Variants in HMGN5 observed in about 807,000 individuals in gnomAD.
HMGN5 encodes high mobility group nucleosome-binding domain-containing protein 5.
In HMGN5, 4 loss-of-function variants were observed where a neutral mutation model predicts 9.5. The ratio of observed to expected loss-of-function variants is 0.42; its 90% CI spans 0.21 to 0.96. The LOEUF (loss-of-function observed/expected upper bound fraction) is 0.96, where lower values mean the gene tolerates loss of function less well. HMGN5 is among the 40% of genes least tolerant of loss of function. HMGN5 has a pLI of 0.30. For synonymous variants in HMGN5, 55 were observed against 57.1 expected, an observed-to-expected ratio of 0.96 and a Z score of 0.16; for missense variants, 192 against 187.5, an observed-to-expected ratio of 1.02 and a Z score of -0.14.
intron 1 of HMGN5, among the ~76,000 whole-genome samples, chrX:81,189,314 T>C (rs1163050876): frequency 9.0e-6 from 1 of 111,517 alleles, no homozygotes; most frequent in Non-Finnish European, 1.9e-5. Flanking sequence ...ACTTGTTTTT[T>C]ATTGTTTTTT....
chrX:81,139,484 T>C (rs2075321636), intron 1 of HMGN5, among the ~76,000 whole-genome samples: 1 of 110,207 alleles, frequency 9.1e-6, no homozygotes, highest in Non-Finnish European at 1.9e-5. Context: ...GGACAGTAAT[T>C]TAACAACTAT....
chrX:81,162,997 C>T (rs2075401829), intron 1 of HMGN5, among the ~76,000 whole-genome samples: 1 of 111,515 alleles, frequency 9.0e-6, no homozygotes, highest in Non-Finnish European at 1.9e-5. Flanking sequence ...CGTTCCCCTC[C>T]ATTCAATCTG....
intron 4 of HMGN5, 49 bp from the exon 5 acceptor site, chrX:81,118,534 G>T (rs959740117): frequency 8.2e-5 from 83 of 1,015,631 alleles, no homozygotes; most frequent in Non-Finnish European, 1.1e-4. Flanking sequence ...AATCATATTT[G>T]AAGAAAGAAC....
chrX:81,180,629 G>C (rs1457571554), intron 1 of HMGN5, among the ~76,000 whole-genome samples: 1 of 111,785 alleles, frequency 8.9e-6, no homozygotes, highest in Non-Finnish European at 1.9e-5. Context: ...AACCATTGTG[G>C]AAGACAGTGT....
At chrX:81,159,223 G>A (rs1352413920) in intron 1 of HMGN5, among the ~76,000 whole-genome samples, 1 of 110,328 alleles carries the variant, frequency 9.1e-6, no homozygotes, top group Non-Finnish European at 1.9e-5. Context: ...ACACACACTG[G>A]GGCCTATTGG....
At chrX:81,143,531 C>A (rs779766363) in intron 1 of HMGN5, among the ~76,000 whole-genome samples, 1 of 112,326 alleles carries the variant, frequency 8.9e-6, no homozygotes, top group African/African-American at 3.2e-5. Context: ...TGAGCCAAAG[C>A]AGAATGGGGC....
chrX:81,186,967 CA>C (rs2075479290), intron 1 of HMGN5, among the ~76,000 whole-genome samples: 1 of 111,715 alleles, frequency 9.0e-6, no homozygotes, highest in Non-Finnish European at 1.9e-5. Flanking sequence ...ACCGGTCATT[CA>C]GGAGCATATT....
At chrX:81,157,267 G>A (rs1013443283) in intron 1 of HMGN5, among the ~76,000 whole-genome samples, 16 of 111,850 alleles carry the variant, frequency 1.4e-4, no homozygotes, top group Admixed American at 6.7e-4. Context: ...AGTGGGCCTG[G>A]CACACTTTTA....
intron 1 of HMGN5, among the ~76,000 whole-genome samples, chrX:81,163,978 C>T (rs2075404438): frequency 9.0e-6 from 1 of 111,373 alleles, no homozygotes; most frequent in Non-Finnish European, 1.9e-5. Context: ...CCTTGGAGTG[C>T]CACATAAAGC....
intron 1 of HMGN5, among the ~76,000 whole-genome samples, chrX:81,131,180 C>T (rs962589880): frequency 2.7e-5 from 3 of 111,423 alleles, no homozygotes; most frequent in Admixed American, 9.5e-5. Flanking sequence ...AGTGTGTCCC[C>T]GCAAATTTTC....
intron 1 of HMGN5, among the ~76,000 whole-genome samples, chrX:81,130,849 T>G (rs1373694625): frequency 4.5e-5 from 5 of 111,202 alleles, no homozygotes; most frequent in Non-Finnish European, 9.5e-5. Flanking sequence ...AAGCTCACAC[T>G]CTAATAAAAA....
At chrX:81,145,793 AG>A (rs760039684) in intron 1 of HMGN5, among the ~76,000 whole-genome samples, 43 of 111,728 alleles carry the variant, frequency 3.8e-4, no homozygotes, top group Middle Eastern at 4.7e-3. Flanking sequence ...CTCAAAATAA[AG>A]GGATGGAGGA....
intron 1 of HMGN5, among the ~76,000 whole-genome samples, chrX:81,146,968 T>C (rs987701140): frequency 2.7e-4 from 30 of 111,639 alleles, no homozygotes; most frequent in African/African-American, 9.1e-4. Flanking sequence ...AATCCCTGAA[T>C]AGACCAATAA....
At chrX:81,156,383 T>C (rs2075383061) in intron 1 of HMGN5, among the ~76,000 whole-genome samples, 1 of 111,700 alleles carries the variant, frequency 9.0e-6, no homozygotes, top group African/African-American at 3.3e-5. Flanking sequence ...TCAAAATGAC[T>C]GAGGCCTCAG....
At chrX:81,185,273 C>A (rs1166360871) in intron 1 of HMGN5, among the ~76,000 whole-genome samples, 2 of 111,510 alleles carry the variant, frequency 1.8e-5, no homozygotes, top group Non-Finnish European at 3.8e-5. Context: ...CCAATTTTTT[C>A]TTTTCTTCAA....
intron 1 of HMGN5, among the ~76,000 whole-genome samples, chrX:81,155,296 A>C: frequency 9.5e-6 from 1 of 105,486 alleles, no homozygotes; most frequent in East Asian, 2.9e-4. Context: ...ATAATTATAA[A>C]ATATAAATTA....
chrX:81,121,924 A>C (rs1288038480), intron 1 of HMGN5, among the ~76,000 whole-genome samples: 1 of 112,706 alleles, frequency 8.9e-6, no homozygotes, highest in Non-Finnish European at 1.9e-5. Flanking sequence ...AGGAATAAGA[A>C]CAGCAGGAAA....
At chrX:81,196,863 T>G (rs2075510126) in intron 1 of HMGN5, among the ~76,000 whole-genome samples, 1 of 111,038 alleles carries the variant, frequency 9.0e-6, no homozygotes, top group Non-Finnish European at 1.9e-5. Context: ...TATAAGGAGC[T>G]CTTCCCCCGT....
At chrX:81,170,714 C>T (rs760292055) in intron 1 of HMGN5, among the ~76,000 whole-genome samples, 43 of 110,774 alleles carry the variant, frequency 3.9e-4, no homozygotes, top group African/African-American at 1.3e-3. Flanking sequence ...TAATAGGAAA[C>T]GCTAACATAT....
Sources: allele counts gnomAD v4.1 joint callset (sites outside exome capture counted in the v4.1 genomes callset), GRCh38; gene constraint gnomAD v4.1.1; transcripts MANE v1.5; gene names NCBI Gene and HGNC (gene_info 2026-07-23, HGNC 2026-07-21).